The following ZMAT3 variants were observed in gnomAD, a reference collection of about 807,000 sequenced individuals.
The protein encoded by ZMAT3 is zinc finger matrin-type protein 3.
ZMAT3 carries 17 observed loss-of-function variants against 32.3 expected under a neutral mutation model. That is an observed-to-expected ratio of 0.53 (90% CI 0.36 to 0.79). The LOEUF (loss-of-function observed/expected upper bound fraction) is 0.79. Among genes scored for constraint, ZMAT3 ranks in the 30% least tolerant of loss-of-function variants. The pLI is 0.00. For missense variants in ZMAT3, 329 were observed against 359.7 expected, an observed-to-expected ratio of 0.91 and a Z score of 0.69; for synonymous variants, 120 against 133.1, an observed-to-expected ratio of 0.90 and a Z score of 0.68.
At chr3:179,039,973 G>T (rs1719827526) in intron 2 of ZMAT3, among the ~76,000 whole-genome samples, 1 of 152,090 alleles carries the variant, frequency 6.6e-6, no homozygotes, top group Admixed American at 6.5e-5. Flanking sequence ...GGAAGAAAGG[G>T]TATCAGTGAT....
chr3:179,042,701 A>G (rs986740763), intron 2 of ZMAT3, among the ~76,000 whole-genome samples: 1 of 152,350 alleles, frequency 6.6e-6, no homozygotes, highest in East Asian at 1.9e-4. Context: ...CCTATTCAAC[A>G]TAGTGTTGGA....
At chr3:179,032,765 G>A (rs1477872749) in intron 2 of ZMAT3, among the ~76,000 whole-genome samples, 3 of 148,744 alleles carry the variant, frequency 2.0e-5, no homozygotes, top group African/African-American at 5.0e-5. Context: ...CCTCTGCCCC[G>A]CAGCCGCCCC....
chr3:179,068,599 T>C (rs555746543), intron 1 of ZMAT3, among the ~76,000 whole-genome samples: 9 of 152,082 alleles, frequency 5.9e-5, no homozygotes, highest in Non-Finnish European at 1.0e-4. Flanking sequence ...AAGAATATCA[T>C]CTTGCAGAAT....
At chr3:179,043,775 A>C (rs1720079619) in intron 2 of ZMAT3, among the ~76,000 whole-genome samples, 1 of 152,226 alleles carries the variant, frequency 6.6e-6, no homozygotes, top group African/African-American at 2.4e-5. Context: ...CTACCATCAG[A>C]GTGAACAGGC....
At chr3:179,028,006 A>G (rs1225701673) in intron 3 of ZMAT3, among the ~76,000 whole-genome samples, 194 bp from the exon 4 acceptor site, 1 of 152,270 alleles carries the variant, frequency 6.6e-6, no homozygotes, top group Non-Finnish European at 1.5e-5. Flanking sequence ...GTTTTGCATT[A>G]TAATCACTTA....
intron 2 of ZMAT3, among the ~76,000 whole-genome samples, chr3:179,052,177 A>C (rs1478930834): frequency 6.6e-6 from 1 of 152,250 alleles, no homozygotes; most frequent in African/African-American, 2.4e-5. Context: ...GCTTCTGCAC[A>C]GCAAAAGAAA....
chr3:179,059,895 C>T (rs529205736), intron 2 of ZMAT3, among the ~76,000 whole-genome samples: 134 of 152,278 alleles, frequency 8.8e-4, no homozygotes, highest in African/African-American at 3.2e-3. Flanking sequence ...GGGAAGGTGA[C>T]CGTGTCCACC....
At chr3:179,059,724 C>G (rs763939552) in intron 2 of ZMAT3, among the ~76,000 whole-genome samples, 12 of 152,164 alleles carry the variant, frequency 7.9e-5, no homozygotes, top group Non-Finnish European at 1.6e-4. Context: ...GAGGAAATCT[C>G]AACTGCACAA....
At chr3:179,032,140 T>C (rs1176934422) in intron 2 of ZMAT3, among the ~76,000 whole-genome samples, 1 of 149,644 alleles carries the variant, frequency 6.7e-6, no homozygotes, top group Non-Finnish European at 1.5e-5. Flanking sequence ...GTGCCTGCGA[T>C]TGCAGGTGTG....
chr3:179,029,351 T>C (rs1176493625), intron 3 of ZMAT3, among the ~76,000 whole-genome samples: 1 of 152,156 alleles, frequency 6.6e-6, no homozygotes, highest in East Asian at 1.9e-4. Context: ...CGTCAGGGCC[T>C]GGGACTAAAA....
chr3:179,053,085 G>A (rs1197407606), intron 2 of ZMAT3, among the ~76,000 whole-genome samples: 1 of 151,906 alleles, frequency 6.6e-6, no homozygotes, highest in Non-Finnish European at 1.5e-5. Flanking sequence ...CGGAGATTGT[G>A]CCACTGCATT....
At chr3:179,063,763 T>C (rs1000028014) in intron 2 of ZMAT3, among the ~76,000 whole-genome samples, 4 of 152,188 alleles carry the variant, frequency 2.6e-5, no homozygotes, top group Non-Finnish European at 4.4e-5. Flanking sequence ...AAAATGAAAA[T>C]ATGTTTCTCC....
chr3:179,051,070 C>A (rs1418607466), intron 2 of ZMAT3, among the ~76,000 whole-genome samples: 1 of 152,206 alleles, frequency 6.6e-6, no homozygotes, highest in Non-Finnish European at 1.5e-5. Context: ...CCCCTGAGAA[C>A]TGGAGCAAGA....
chr3:179,069,339 C>G (rs1374656906), intron 1 of ZMAT3, among the ~76,000 whole-genome samples: 1 of 151,964 alleles, frequency 6.6e-6, no homozygotes, highest in African/African-American at 2.4e-5. Flanking sequence ...TCTCCTGCCT[C>G]CCCCCCAGAT....
chr3:179,029,282 A>G (rs970902288), intron 3 of ZMAT3, among the ~76,000 whole-genome samples: 3 of 152,138 alleles, frequency 2.0e-5, no homozygotes, highest in African/African-American at 7.2e-5. Context: ...CTGCTGACCT[A>G]TGGACACCAA....
chr3:179,036,463 C>G (rs1198752280), intron 2 of ZMAT3, among the ~76,000 whole-genome samples: 1 of 151,980 alleles, frequency 6.6e-6, no homozygotes, highest in Non-Finnish European at 1.5e-5. Context: ...CAGATAACAG[C>G]TTGCAAAATG....
chr3:179,068,220 G>A (rs1721521322), intron 1 of ZMAT3, among the ~76,000 whole-genome samples: 1 of 152,078 alleles, frequency 6.6e-6, no homozygotes, highest in Admixed American at 6.5e-5. Context: ...AAAACACCAC[G>A]AGCTGTCCAG....
At chr3:179,060,054 C>T (rs1398982042) in intron 2 of ZMAT3, among the ~76,000 whole-genome samples, 1 of 152,066 alleles carries the variant, frequency 6.6e-6, no homozygotes, top group African/African-American at 2.4e-5. Context: ...GATATAAACC[C>T]AGGCATTCGA....
rs1268215767 is a variant in ZMAT3 at position 179,022,311 on chromosome 3, A to T, written c.*2706T>A. The T allele has an allele frequency of 6.6e-6, 1 of 152,196 alleles. No homozygotes were observed. Among genetic ancestry groups the T allele is most frequent in the Non-Finnish European group, 1.5e-5 (1 of 68,044 alleles). The allele number at this position is 152,196 out of a possible 1,614,324, so 9.4% of individuals were successfully genotyped here. ...CTTCTTATAAAACTATTTCCAATGG[A>T]AAACAAAGTGGATGAATGACATTTT... On this transcript the variant is annotated 3_prime_UTR_variant, in exon 6 of 6. Transcript: ENST00000311417.
Sources: gnomAD v4.1 joint callset for allele counts (sites outside exome capture counted in the v4.1 genomes callset) on GRCh38, gnomAD v4.1.1 for gene constraint, MANE v1.5 for transcripts, NCBI Gene and HGNC (gene_info 2026-07-23, HGNC 2026-07-21) for gene names.